The following ZDHHC21 variants were observed in gnomAD, a reference collection of about 807,000 sequenced individuals.
The protein encoded by ZDHHC21 is palmitoyltransferase ZDHHC21.
In ZDHHC21, 15 loss-of-function variants were observed where a neutral mutation model predicts 34.6. The observed-to-expected ratio is 0.43, with a 90% confidence interval of 0.29 to 0.67. The LOEUF is 0.67. ZDHHC21 is among the 30% of genes least tolerant of loss of function. ZDHHC21 has a pLI of 0.14. For missense variants in ZDHHC21, 344 were observed against 327.7 expected (o/e 1.05, Z -0.38); for synonymous variants, 142 against 101.8 (o/e 1.40, Z -2.38).
intron 8 of ZDHHC21, among the ~76,000 whole-genome samples, chr9:14,628,339 G>T (rs1210335040): frequency 6.6e-6 from 1 of 151,900 alleles, no homozygotes; most frequent in Non-Finnish European, 1.5e-5. Context: ...ACTATCAACA[G>T]GAAGATGAGA....
rs1175920734 is a variant in ZDHHC21 at position 14,615,021 on chromosome 9, T to G, written c.*3945A>C. 1.3e-5 allele frequency: 2 copies of G among 151,660 alleles called. No homozygotes were observed. Among genetic ancestry groups the G allele is most frequent in the African/African-American group, 2.4e-5 (1 of 41,398 alleles). The allele number at this position is 151,660 out of a possible 1,614,324, so 9.4% of individuals were successfully genotyped here. ...ACTAGAGAAAAGTCCAGAGAGAGAC[T>G]AGCAGCTCTATTAATTAGTATTAAT... On this transcript the variant is annotated 3_prime_UTR_variant, in exon 10 of 10. Transcript: ENST00000380916.
chr9:14,668,616 A>G (rs1834915139), intron 5 of ZDHHC21, among the ~76,000 whole-genome samples: 1 of 151,840 alleles, frequency 6.6e-6, no homozygotes, highest in Admixed American at 6.6e-5. Context: ...ACAAGGCTAC[A>G]GTAACCAAAA....
intron 7 of ZDHHC21, among the ~76,000 whole-genome samples, chr9:14,651,982 T>C (rs1831312733): frequency 2.0e-5 from 3 of 151,884 alleles, no homozygotes; most frequent in Admixed American, 2.0e-4. Context: ...CAAACATTAC[T>C]TTCGAGAGGG....
the ZDHHC21 span, among the ~76,000 whole-genome samples, chr9:14,605,325 G>A: frequency 6.6e-6 from 1 of 151,706 alleles, no homozygotes; most frequent in Non-Finnish European, 1.5e-5. Flanking sequence ...CCTAGTAACA[G>A]TACATAAGGG....
intron 7 of ZDHHC21, among the ~76,000 whole-genome samples, chr9:14,653,635 G>C (rs184798768): frequency 0.012 from 1,762 of 151,904 alleles, 16 homozygotes; most frequent in Middle Eastern, 0.024. Context: ...AGTCCACCAT[G>C]AGTCTCATTC....
chr9:14,675,952 T>C (rs1419632522), intron 3 of ZDHHC21, among the ~76,000 whole-genome samples: 1 of 151,958 alleles, frequency 6.6e-6, no homozygotes, highest in Non-Finnish European at 1.5e-5. Flanking sequence ...CAACCTGCCA[T>C]CACAAATCAT....
chr9:14,663,194 T>A (rs1199871631), intron 5 of ZDHHC21, among the ~76,000 whole-genome samples: 1 of 152,182 alleles, frequency 6.6e-6, no homozygotes, highest in Non-Finnish European at 1.5e-5. Context: ...TATACAAAAA[T>A]GTATCTTTTA....
At chr9:14,681,853 T>C (rs903869478) in intron 2 of ZDHHC21, among the ~76,000 whole-genome samples, 4 of 151,830 alleles carry the variant, frequency 2.6e-5, no homozygotes, top group African/African-American at 9.7e-5. Flanking sequence ...TGGCAGAAAC[T>C]CTACAAGCCA....
intron 5 of ZDHHC21, among the ~76,000 whole-genome samples, chr9:14,669,659 G>A (rs1486244422): frequency 6.9e-6 from 1 of 144,590 alleles, no homozygotes; most frequent in African/African-American, 2.6e-5. Flanking sequence ...ATACACCATG[G>A]AATACTATGC....
At position 14,653,534 on chromosome 9, in the gene ZDHHC21, C is replaced by T. The variant is rs192384352; in HGVS notation, c.504+5215G>A. On this transcript the variant is annotated intron_variant, in intron 7 of 9. Transcript: ENST00000380916. ...AGATTTGCCCTTAAAACCAATTATT[C>T]CAGTTACAGCCTCAAGGGTTTTGTT... Among the ~76,000 whole-genome samples, 168 of 151,992 alleles carry T rather than the reference C, an allele frequency of 1.1e-3. 1 individual carries two copies. The highest frequency in any genetic ancestry group is 1.0e-3 in the South Asian group (5 of 4,806).
chr9:14,609,339 G>C (rs1473653111), downstream of ZDHHC21, among the ~76,000 whole-genome samples: 1 of 152,094 alleles, frequency 6.6e-6, no homozygotes, highest in African/African-American at 2.4e-5. Context: ...AGCTGAACTA[G>C]CCACTTTCTT....
chr9:14,603,525 T>C, the ZDHHC21 span, among the ~76,000 whole-genome samples: 1 of 152,188 alleles, frequency 6.6e-6, no homozygotes. Context: ...TTTTTACTTC[T>C]ATGAAGACCC....
chr9:14,625,570 A>C (rs563125867), intron 8 of ZDHHC21, among the ~76,000 whole-genome samples: 1 of 152,138 alleles, frequency 6.6e-6, no homozygotes, highest in Admixed American at 6.5e-5. Flanking sequence ...GTGGGGATTA[A>C]ATGAGTTAAT....
chr9:14,677,760 C>G (rs1836678567), intron 3 of ZDHHC21, among the ~76,000 whole-genome samples: 2 of 151,984 alleles, frequency 1.3e-5, no homozygotes, highest in South Asian at 4.1e-4. Context: ...TCTAATAAAC[C>G]AGACTGAGTA....
the ZDHHC21 span, chr9:14,589,131 G>C: frequency 1.9e-4 from 29 of 152,238 alleles, no homozygotes; most frequent in Admixed American, 6.5e-4. Context: ...AGGGGTCAAT[G>C]AATGAGCCTC....
the ZDHHC21 span, chr9:14,589,091 C>G: frequency 3.9e-5 from 6 of 152,044 alleles, no homozygotes; most frequent in East Asian, 3.9e-4. Flanking sequence ...TGTATGACAT[C>G]TGCAGCACAC....
chr9:14,652,470 T>C (rs577853687), intron 7 of ZDHHC21, among the ~76,000 whole-genome samples: 5 of 152,076 alleles, frequency 3.3e-5, no homozygotes, highest in Admixed American at 1.3e-4. Context: ...TAAAAACATA[T>C]AAATCTTTGA....
chr9:14,686,183 C>T (rs1487357719), intron 2 of ZDHHC21, among the ~76,000 whole-genome samples: 1 of 150,890 alleles, frequency 6.6e-6, no homozygotes. Context: ...TGCACATGTA[C>T]CCTAGAACTT....
At chr9:14,620,870 T>C (rs555192452) in intron 8 of ZDHHC21, among the ~76,000 whole-genome samples, 5 of 152,196 alleles carry the variant, frequency 3.3e-5, no homozygotes, top group African/African-American at 1.2e-4. Flanking sequence ...AGCTACATAT[T>C]CTATATTCAT....
Sources: gnomAD v4.1 joint callset for allele counts (sites outside exome capture counted in the v4.1 genomes callset) on GRCh38, gnomAD v4.1.1 for gene constraint, MANE v1.5 for transcripts, NCBI Gene and HGNC (gene_info 2026-07-23, HGNC 2026-07-21) for gene names.